The following FCHSD2 variants were observed in gnomAD, a reference collection of about 807,000 sequenced individuals.
FCHSD2 encodes F-BAR and double SH3 domains protein 2.
A neutral mutation model predicts 108.1 loss-of-function variants in FCHSD2; 38 were observed. The ratio of observed to expected loss-of-function variants is 0.35; its 90% confidence interval spans 0.27 to 0.46. The LOEUF is 0.46. FCHSD2 is among the 20% of genes least tolerant of loss of function. The pLI is 1.00. For missense variants in FCHSD2, 751 were observed against 897.8 expected (o/e 0.84, Z 2.09); for synonymous variants, 279 against 314.7 (o/e 0.89, Z 1.20).
intron 12 of FCHSD2, among the ~76,000 whole-genome samples, chr11:72,874,786 T>C (rs1854932947): frequency 1.3e-5 from 2 of 152,224 alleles, no homozygotes; most frequent in South Asian, 4.1e-4. Flanking sequence ...CAGTTGCTTA[T>C]AAGTTAAAAA....
chr11:73,071,663 T>G (rs1289343578), intron 3 of FCHSD2, among the ~76,000 whole-genome samples: 1 of 152,010 alleles, frequency 6.6e-6, no homozygotes, highest in Non-Finnish European at 1.5e-5. Flanking sequence ...ATCATGTCAC[T>G]GCACTCCAGC....
At chr11:72,870,197 C>T (rs1035931619) in intron 12 of FCHSD2, among the ~76,000 whole-genome samples, 1 of 152,100 alleles carries the variant, frequency 6.6e-6, no homozygotes, top group East Asian at 1.9e-4. Flanking sequence ...ATTTCTCAAC[C>T]TTCCTTAGGC....
At chr11:73,030,362 TA>T (rs1046600188) in intron 3 of FCHSD2, among the ~76,000 whole-genome samples, 2 of 151,682 alleles carry the variant, frequency 1.3e-5, no homozygotes, top group Admixed American at 6.6e-5. Context: ...TTATACTAAA[TA>T]AAAAAAACAA....
chr11:73,139,516 AAT>A (rs979522063), intron 2 of FCHSD2, among the ~76,000 whole-genome samples: 2 of 152,258 alleles, frequency 1.3e-5, no homozygotes, highest in African/African-American at 4.8e-5. Context: ...CTTGATTATG[AAT>A]ATGAGTAACC....
chr11:72,895,942 C>T (rs1265596954), intron 10 of FCHSD2, among the ~76,000 whole-genome samples: 1 of 152,006 alleles, frequency 6.6e-6, no homozygotes, highest in Non-Finnish European at 1.5e-5. Flanking sequence ...AAAGAGCCAC[C>T]CATAACAAAG....
chr11:72,925,975 C>T (rs1034921424), intron 8 of FCHSD2, among the ~76,000 whole-genome samples: 12 of 152,198 alleles, frequency 7.9e-5, no homozygotes, highest in African/African-American at 2.9e-4. Context: ...TCCCTGTGCT[C>T]CTGGGGGAGG....
intron 1 of FCHSD2, among the ~76,000 whole-genome samples, chr11:73,141,577 T>C (rs1032829500): frequency 8.5e-5 from 13 of 152,130 alleles, no homozygotes; most frequent in African/African-American, 2.7e-4. Context: ...GCGGGCAGCA[T>C]TGCCATGCGC....
intron 8 of FCHSD2, among the ~76,000 whole-genome samples, chr11:72,956,563 A>C (rs987939220): frequency 1.3e-5 from 2 of 152,232 alleles, no homozygotes; most frequent in Admixed American, 1.3e-4. Flanking sequence ...TGAGAAATCC[A>C]AGATCAAGGC....
intron 12 of FCHSD2, among the ~76,000 whole-genome samples, chr11:72,873,826 T>A (rs1854913213): frequency 1.3e-5 from 2 of 152,188 alleles, no homozygotes; most frequent in Non-Finnish European, 2.9e-5. Flanking sequence ...GGTTCCTACG[T>A]AAGCAAACCA....
intron 2 of FCHSD2, among the ~76,000 whole-genome samples, chr11:73,136,511 C>A (rs567182418): frequency 1.3e-4 from 20 of 152,014 alleles, no homozygotes; most frequent in Non-Finnish European, 2.5e-4. Flanking sequence ...CACACCACTG[C>A]ATTCCAGCCT....
rs1376313290 is a variant in FCHSD2, at chr11:73,142,302, G to C, written c.-425C>G. ...AGCGGCCCCCACCCCACCCACTCAG[G>C]CGGCCCGGCCCTCGCTGGGCCTAAC... On this transcript the variant is annotated 5_prime_UTR_variant, in exon 1 of 20. Coordinates refer to ENST00000409418, the MANE Select transcript of FCHSD2 (RefSeq NM_014824.3). 6.6e-6 allele frequency: 1 copy of C among 151,534 alleles called. No individual in the cohort carries two copies. The highest frequency in any genetic ancestry group is 2.0e-4 in the East Asian group (1 of 5,090). The allele number at this position is 151,534 out of a possible 1,614,324, so 9.4% of individuals were successfully genotyped here.
intron 14 of FCHSD2, among the ~76,000 whole-genome samples, chr11:72,846,357 T>C (rs954075181): frequency 1.3e-5 from 2 of 152,124 alleles, no homozygotes; most frequent in Non-Finnish European, 2.9e-5. Flanking sequence ...ATTTTTTGTA[T>C]TTTTAGTAGA....
chr11:72,898,916 T>C (rs1166050188), intron 10 of FCHSD2, among the ~76,000 whole-genome samples: 1 of 151,682 alleles, frequency 6.6e-6, no homozygotes, highest in Non-Finnish European at 1.5e-5. Flanking sequence ...TTATTATTAT[T>C]ATTTTTTTTT....
intron 8 of FCHSD2, among the ~76,000 whole-genome samples, chr11:72,922,626 T>C (rs1565324445): frequency 6.6e-6 from 1 of 152,112 alleles, no homozygotes; most frequent in Non-Finnish European, 1.5e-5. Flanking sequence ...CCGTGGAAAC[T>C]GTATAGATGA....
chr11:73,092,854 G>A (rs1859989393), intron 2 of FCHSD2, among the ~76,000 whole-genome samples: 1 of 152,130 alleles, frequency 6.6e-6, no homozygotes, highest in Admixed American at 6.5e-5. Context: ...TCTTACCTTT[G>A]TCTTTGGCTT....
intron 8 of FCHSD2, chr11:72,940,723 C>T (rs1403166891): frequency 1.1e-6 from 1 of 924,212 alleles, no homozygotes; most frequent in Admixed American, 1.7e-5. Context: ...ACGCCCAGTT[C>T]CTAAGGGTGC....
chr11:73,125,521 T>C (rs1268224374), intron 2 of FCHSD2, among the ~76,000 whole-genome samples: 3 of 152,006 alleles, frequency 2.0e-5, no homozygotes, highest in Non-Finnish European at 2.9e-5. Context: ...CTGGGAGACA[T>C]AGTAAGACCC....
chr11:73,094,494 C>T (rs1565407273), intron 2 of FCHSD2, among the ~76,000 whole-genome samples: 1 of 152,056 alleles, frequency 6.6e-6, no homozygotes, highest in East Asian at 1.9e-4. Context: ...CATAAATAGC[C>T]AAAAACAGTC....
chr11:72,896,079 G>A (rs1201358288), intron 10 of FCHSD2, among the ~76,000 whole-genome samples: 4 of 152,032 alleles, frequency 2.6e-5, no homozygotes, highest in African/African-American at 9.7e-5. Context: ...AAACTTTAAT[G>A]TGTAAAAATC....
Sources: allele counts gnomAD v4.1 joint callset (sites outside exome capture counted in the v4.1 genomes callset), GRCh38; gene constraint gnomAD v4.1.1; transcripts MANE v1.5; gene names NCBI Gene and HGNC (gene_info 2026-07-23, HGNC 2026-07-21).